LRFN5: variants seen among roughly 807,000 people sequenced by gnomAD.
LRFN5 encodes leucine-rich repeat and fibronectin type-III domain-containing protein 5.
A neutral mutation model predicts 45.6 loss-of-function variants in LRFN5; 24 were observed. The observed-to-expected ratio is 0.53, with a 90% CI of 0.38 to 0.74. The LOEUF (loss-of-function observed/expected upper bound fraction) is 0.74. Among genes scored for constraint, LRFN5 ranks in the 30% least tolerant of loss-of-function variants. The pLI, the probability that LRFN5 is intolerant of heterozygous loss-of-function variation, is 0.00. For missense variants in LRFN5, 776 were observed against 861.5 expected (o/e 0.90, Z 1.24); for synonymous variants, 340 against 313.8 (o/e 1.08, Z -0.88).
intron 3 of LRFN5, among the ~76,000 whole-genome samples, chr14:41,888,933 A>G (rs1890675245): frequency 1.3e-5 from 2 of 151,650 alleles, no homozygotes; most frequent in Non-Finnish European, 1.5e-5. Flanking sequence ...AAATGATGCA[A>G]AACCATGGCT....
At chr14:41,903,489 CT>C (rs1393634866) in intron 5 of LRFN5, among the ~76,000 whole-genome samples, 4 of 151,252 alleles carry the variant, frequency 2.6e-5, no homozygotes, top group African/African-American at 9.7e-5. Flanking sequence ...TTAGACATAT[CT>C]TAAATCCATG....
intron 2 of LRFN5, among the ~76,000 whole-genome samples, chr14:41,822,183 C>T (rs1888138425): frequency 6.6e-6 from 1 of 151,646 alleles, no homozygotes; most frequent in South Asian, 2.1e-4. Context: ...TTTGTTATAT[C>T]TTTTCTTCCG....
At chr14:41,758,493 A>G (rs1259179072) in intron 1 of LRFN5, among the ~76,000 whole-genome samples, 1 of 152,194 alleles carries the variant, frequency 6.6e-6, no homozygotes, top group Non-Finnish European at 1.5e-5. Context: ...GTCTTGGCCC[A>G]TTCATAAGCC....
At chr14:41,762,256 T>C (rs1473551712) in intron 1 of LRFN5, among the ~76,000 whole-genome samples, 3 of 152,112 alleles carry the variant, frequency 2.0e-5, no homozygotes, top group African/African-American at 7.2e-5. Context: ...AATTTTTAGG[T>C]CAGCAAGATT....
At chr14:41,817,074 A>T (rs1346087665) in intron 2 of LRFN5, among the ~76,000 whole-genome samples, 1 of 145,442 alleles carries the variant, frequency 6.9e-6, no homozygotes, top group Non-Finnish European at 1.5e-5. Context: ...GGGTAAGCCC[A>T]TGAAGGTAAT....
At chr14:41,683,092 A>T (rs1269794359) in intron 1 of LRFN5, among the ~76,000 whole-genome samples, 3 of 152,198 alleles carry the variant, frequency 2.0e-5, no homozygotes, top group Non-Finnish European at 4.4e-5. Flanking sequence ...AGCAAATCAA[A>T]TTCAACAATA....
intron 1 of LRFN5, among the ~76,000 whole-genome samples, chr14:41,684,417 G>C (rs759742508): frequency 6.6e-6 from 1 of 152,150 alleles, no homozygotes; most frequent in African/African-American, 2.4e-5. Flanking sequence ...GAAGTAAGGC[G>C]CCTTCTTTAT....
chr14:41,755,796 G>A lies in LRFN5; in HGVS notation c.-196-11058G>A, dbSNP rs149849783. The stretch of plus-strand genomic sequence containing the variant: ...GGTTAATATTGTTATGTGTGAATTT[G>A]ATCCTGTCATTATGATGTTAGCTGG... On this transcript the variant is annotated intron_variant, in intron 1 of 5. Transcript: ENST00000298119. Among the ~76,000 whole-genome samples, 866 of 152,268 alleles carry A rather than the reference G, an allele frequency of 5.7e-3. 5 individuals carry two copies. Among genetic ancestry groups the A allele is most frequent in the African/African-American group, 0.019 (809 of 41,548 alleles).
At chr14:41,837,839 A>G (rs1359143980) in intron 2 of LRFN5, among the ~76,000 whole-genome samples, 1 of 152,234 alleles carries the variant, frequency 6.6e-6, no homozygotes, top group Non-Finnish European at 1.5e-5. Flanking sequence ...AATGCAAACC[A>G]AGGCAAGCTA....
At chr14:41,748,048 T>C (rs1003303720) in intron 1 of LRFN5, among the ~76,000 whole-genome samples, 9 of 152,034 alleles carry the variant, frequency 5.9e-5, no homozygotes, top group Non-Finnish European at 1.0e-4. Context: ...ATTTAAACCT[T>C]TCTACGCTCT....
intron 2 of LRFN5, among the ~76,000 whole-genome samples, chr14:41,812,251 T>G (rs1341785724): frequency 6.6e-6 from 1 of 151,972 alleles, no homozygotes; most frequent in East Asian, 1.9e-4. Flanking sequence ...TAAAACAAAA[T>G]GATCAAAACA....
At chr14:41,777,548 T>C (rs1162307102) in intron 2 of LRFN5, among the ~76,000 whole-genome samples, 1 of 151,864 alleles carries the variant, frequency 6.6e-6, no homozygotes, top group East Asian at 1.9e-4. Flanking sequence ...GTTTTGTTTG[T>C]TATTCCGATT....
Position 41,698,076 on chromosome 14 carries a change from T to G in LRFN5, c.-196-68778T>G, listed in dbSNP as rs370231759. Among the ~76,000 whole-genome samples the G allele has an allele frequency of 3.6e-4, 55 of 152,002 alleles. 1 individual carries two copies. In the East Asian group the frequency reaches 8.1e-3, roughly 23 times the overall value. On this transcript the variant is annotated intron_variant, in intron 1 of 5. Coordinates refer to ENST00000298119, the MANE Select transcript of LRFN5 (RefSeq NM_152447.5). ...ATGAAGGGGATAGTTGTAAACATTT[T>G]GTTTTAAAAAGGGAAGGGCTATAGA...
At position 41,774,699 on chromosome 14, in the gene LRFN5, G is replaced by A. The variant is rs370182156; in HGVS notation, c.-21+7670G>A. On this transcript the variant is annotated intron_variant, in intron 2 of 5. Transcript: ENST00000298119. ...GATTTTGAAAAGCGTTAACTTAGATGTTAGTTAACTTTGATCATACAGTTT... is the reference window on the plus strand; with the variant it reads ...GATTTTGAAAAGCGTTAACTTAGATATTAGTTAACTTTGATCATACAGTTT... 5.3e-4 allele frequency among the ~76,000 whole-genome samples: 80 copies of A among 152,246 alleles called. No homozygotes were observed. The South Asian group carries it at 0.016, about 30-fold the overall frequency.
intron 1 of LRFN5, among the ~76,000 whole-genome samples, chr14:41,613,643 G>A (rs1320082063): frequency 4.0e-5 from 6 of 151,628 alleles, no homozygotes; most frequent in Non-Finnish European, 7.4e-5. Flanking sequence ...AAGAATAAAA[G>A]ACTCTAGAAA....
At chr14:41,902,717 T>A (rs747671978) in intron 5 of LRFN5, among the ~76,000 whole-genome samples, 14 of 151,854 alleles carry the variant, frequency 9.2e-5, no homozygotes, top group Non-Finnish European at 1.6e-4. Flanking sequence ...AGTTATTTTG[T>A]CCACTGTCAT....
intron 2 of LRFN5, among the ~76,000 whole-genome samples, chr14:41,828,347 T>G (rs543685408): frequency 6.6e-6 from 1 of 152,140 alleles, no homozygotes; most frequent in Admixed American, 6.5e-5. Context: ...TCATCTATTT[T>G]GTAGGCATCA....
chr14:41,877,273 T>C (rs1389586941), intron 2 of LRFN5, among the ~76,000 whole-genome samples: 1 of 152,162 alleles, frequency 6.6e-6, no homozygotes, highest in Non-Finnish European at 1.5e-5. Context: ...GGCGCCTGAG[T>C]ACCTGGGATT....
chr14:41,737,085 T>G (rs1434392825), intron 1 of LRFN5, among the ~76,000 whole-genome samples: 1 of 152,156 alleles, frequency 6.6e-6, no homozygotes, highest in Non-Finnish European at 1.5e-5. Context: ...TGATGAATAT[T>G]GATGCCAAAA....
Sources: allele counts gnomAD v4.1 joint callset (sites outside exome capture counted in the v4.1 genomes callset), GRCh38; gene constraint gnomAD v4.1.1; transcripts MANE v1.5; gene names NCBI Gene and HGNC (gene_info 2026-07-23, HGNC 2026-07-21).